Variants in BNC2 observed in about 807,000 individuals in gnomAD.
The protein encoded by BNC2 is zinc finger protein basonuclin-2.
In BNC2, 20 loss-of-function variants were observed where a neutral mutation model predicts 76.3. The ratio of observed to expected loss-of-function variants is 0.26; its 90% CI spans 0.18 to 0.38. The LOEUF (loss-of-function observed/expected upper bound fraction) is 0.38. BNC2 is among the 10% of genes least tolerant of loss of function. The pLI is 1.00. For missense variants in BNC2, 1,382 were observed against 1,399.8 expected (o/e 0.99, Z 0.20); for synonymous variants, 582 against 514.8 (o/e 1.13, Z -1.77).
intron 5 of BNC2, among the ~76,000 whole-genome samples, chr9:16,485,516 C>A (rs990070990): frequency 6.6e-6 from 1 of 152,188 alleles, no homozygotes; most frequent in Non-Finnish European, 1.5e-5. Flanking sequence ...TTTGCATTAA[C>A]CCAGTCAAGG....
intron 3 of BNC2, among the ~76,000 whole-genome samples, chr9:16,667,912 C>G (rs768292798): frequency 7.9e-5 from 12 of 152,178 alleles, no homozygotes; most frequent in Non-Finnish European, 1.6e-4. Flanking sequence ...AAGAACTCAA[C>G]TAAAACTCCA....
chr9:16,808,702 T>C (rs1409219583), intron 1 of BNC2, among the ~76,000 whole-genome samples: 1 of 151,718 alleles, frequency 6.6e-6, no homozygotes, highest in Non-Finnish European at 1.5e-5. Flanking sequence ...CAAGCTTTTT[T>C]TTTTATTTCA....
intron 1 of BNC2, among the ~76,000 whole-genome samples, chr9:16,799,489 A>AT (rs1817732239): frequency 6.6e-6 from 1 of 151,916 alleles, no homozygotes; most frequent in Non-Finnish European, 1.5e-5. Flanking sequence ...TAATTTTTGT[A>AT]TTTTTAGTAG....
At chr9:16,784,968 G>GT (rs1563942010) in intron 1 of BNC2, among the ~76,000 whole-genome samples, 2 of 152,166 alleles carry the variant, frequency 1.3e-5, no homozygotes, top group Non-Finnish European at 2.9e-5. Context: ...TTTTAAGCCC[G>GT]TGAGACCCAG....
intron 3 of BNC2, chr9:16,664,959 G>C: frequency 3.4e-6 from 1 of 293,782 alleles, no homozygotes; most frequent in Non-Finnish European, 6.6e-6. Context: ...GCAGGTTATA[G>C]GCAGCATTAG....
intron 1 of BNC2, among the ~76,000 whole-genome samples, chr9:16,750,148 G>T (rs1216072969): frequency 6.6e-6 from 1 of 152,060 alleles, no homozygotes; most frequent in East Asian, 1.9e-4. Flanking sequence ...GAATCTACGA[G>T]AACTGATACC....
chr9:16,768,510 G>C (rs765544540), intron 1 of BNC2, among the ~76,000 whole-genome samples: 3 of 152,192 alleles, frequency 2.0e-5, no homozygotes, highest in Non-Finnish European at 4.4e-5. Flanking sequence ...GTTTAGTTTG[G>C]GATATGTTCA....
chr9:16,863,563 C>T (rs751950234), intron 1 of BNC2, among the ~76,000 whole-genome samples: 1 of 152,120 alleles, frequency 6.6e-6, no homozygotes, highest in Non-Finnish European at 1.5e-5. Flanking sequence ...AGCGCAGTGG[C>T]GCACGCTTGT....
chr9:16,569,572 G>T (rs1188715833), intron 4 of BNC2, among the ~76,000 whole-genome samples: 1 of 152,074 alleles, frequency 6.6e-6, no homozygotes, highest in Non-Finnish European at 1.5e-5. Flanking sequence ...TCTGACTGAG[G>T]CACACATAAA....
chr9:16,735,871 T>C (rs895874762), intron 2 of BNC2, among the ~76,000 whole-genome samples: 2 of 152,020 alleles, frequency 1.3e-5, no homozygotes, highest in African/African-American at 4.8e-5. Flanking sequence ...GCAGCCTCAG[T>C]AAAGGTGTCA....
intron 1 of BNC2, among the ~76,000 whole-genome samples, chr9:16,857,131 G>A (rs1488475482): frequency 6.6e-6 from 1 of 152,096 alleles, no homozygotes; most frequent in Non-Finnish European, 1.5e-5. Context: ...AAATGTATAT[G>A]TAACCAAAAT....
chr9:16,757,152 G>A lies in BNC2; in HGVS notation c.4-18667C>T, dbSNP rs192896505. ...ACCTATATCCCCAGTGCCTAGTACA[G>A]ACAGACTCAATAAATACTTCTGATT... On this transcript the variant is annotated intron_variant, in intron 1 of 6. Transcript: ENST00000380672. Among the ~76,000 whole-genome samples, 8 of 152,292 alleles carry A rather than the reference G, an allele frequency of 5.3e-5. 1 individual carries two copies. The East Asian group carries it at 1.3e-3, about 26-fold the overall frequency.
rs534066010 is a variant in BNC2, at chr9:16,514,916, A to G, written c.669+37614T>C. Among the ~76,000 whole-genome samples the G allele has an allele frequency of 2.6e-5, 4 of 152,322 alleles. No homozygotes were observed. In the East Asian group the frequency reaches 5.8e-4, roughly 22 times the overall value. On this transcript the variant is annotated intron_variant, in intron 5 of 6. Transcript: ENST00000380672. ...GATCATCTTGATTTTAAAAATTCCAATTATTGAACTCCAAACCACCACATT... is the reference window on the plus strand; with the variant it reads ...GATCATCTTGATTTTAAAAATTCCAGTTATTGAACTCCAAACCACCACATT...
chr9:16,622,821 G>A (rs1006443244), intron 3 of BNC2, among the ~76,000 whole-genome samples: 5 of 152,028 alleles, frequency 3.3e-5, no homozygotes, highest in African/African-American at 9.7e-5. Context: ...TAAGGGAAAC[G>A]CATGTAAAGA....
At chr9:16,595,634 T>C (rs1223959594) in intron 3 of BNC2, among the ~76,000 whole-genome samples, 1 of 152,120 alleles carries the variant, frequency 6.6e-6, no homozygotes, top group African/African-American at 2.4e-5. Flanking sequence ...TCAGAGAAAT[T>C]CCACAAATTT....
intron 2 of BNC2, among the ~76,000 whole-genome samples, chr9:16,735,395 TTA>T (rs202093986): frequency 0.18 from 705 of 3,912 alleles, no homozygotes; most frequent in African/African-American, 0.32. Context: ...TTAAATGAAT[TTA>T]AAAAAAAAAA....
intron 3 of BNC2, among the ~76,000 whole-genome samples, chr9:16,711,161 AAGAG>A (rs937360838): frequency 3.9e-5 from 6 of 152,200 alleles, no homozygotes; most frequent in Non-Finnish European, 8.8e-5. Flanking sequence ...GGAAGAAAGA[AAGAG>A]AAACGCAAGA....
chr9:16,845,778 A>G (rs1413276938), intron 1 of BNC2, among the ~76,000 whole-genome samples: 1 of 152,156 alleles, frequency 6.6e-6, no homozygotes, highest in African/African-American at 2.4e-5. Flanking sequence ...CCCACGTTCC[A>G]GAACACAAAA....
At chr9:16,805,774 G>A (rs1817894905) in intron 1 of BNC2, among the ~76,000 whole-genome samples, 1 of 151,892 alleles carries the variant, frequency 6.6e-6, no homozygotes, top group African/African-American at 2.4e-5. Context: ...GCTTTAGTAG[G>A]GAGGGGCAAA....
Sources: allele counts gnomAD v4.1 joint callset (sites outside exome capture counted in the v4.1 genomes callset), GRCh38; gene constraint gnomAD v4.1.1; transcripts MANE v1.5; gene names NCBI Gene and HGNC (gene_info 2026-07-23, HGNC 2026-07-21).